The following OR11H1 variants were observed in gnomAD, a reference collection of about 807,000 sequenced individuals.
OR11H1 encodes the protein olfactory receptor family 11 subfamily H member 1, also known as olfactory receptor 11H1.
Under a neutral mutation model 17.7 loss-of-function variants are expected in OR11H1, and 2 were observed. That is an observed-to-expected ratio of 0.11 (90% confidence interval 0.05 to 0.36). The LOEUF is 0.36. Ranked by LOEUF, OR11H1 falls within the 10% of genes least tolerant of loss-of-function variation. The pLI is 1.00. For missense variants in OR11H1, 53 were observed against 356.2 expected (o/e 0.15, Z 6.85); for synonymous variants, 13 against 129.4 (o/e 0.10, Z 6.11).
At chr22:15,528,404 C>CT in the OR11H1 span, 1 of 1,609,146 alleles carries the variant, frequency 6.2e-7, no homozygotes, top group African/African-American at 1.3e-5. Context: ...GAAATTTCTC[C>CT]TTTTTAGAGA....
In OR11H1 at chr22:15,528,286, T is replaced by A. The variant is rs1476304033; in HGVS notation, c.95T>A (p.Phe32Tyr). The A allele has an allele frequency of 1.2e-6, 2 of 1,611,986 alleles. No homozygotes were observed. The highest frequency in any genetic ancestry group is 2.7e-5 in the African/African-American group (2 of 74,880). ...SCEWTIQIFL[F>Y]SLFTTTYALT... Reference sequence around the variant, plus strand: ...GAGTGGACAATTCAGATCTTCCTCTTCTCACTCTTTACTACAACATATGCA... The same window carrying A: ...GAGTGGACAATTCAGATCTTCCTCTACTCACTCTTTACTACAACATATGCA... The change falls in exon 1 of 1, where the codon TTC becomes TAC. Residue 32 changes from phenylalanine (F) to tyrosine (Y), a missense_variant. Transcript: ENST00000643195.
Position 15,528,748 on chromosome 22 carries a change from G to T in OR11H1, c.557G>T (p.Gly186Val). Residue 186 changes from glycine to valine, a missense_variant, in exon 1 of 1, where the codon GGG (glycine) becomes GTG (valine). By Grantham distance (109) the Gly-to-Val change is moderately radical (BLOSUM62 -3). Transcript: ENST00000643195. The stretch of plus-strand genomic sequence containing the variant: ...ATTGACCATGTTGTGTGTGACCCAG[G>T]GCCACGATTTGCATTGGATTGTGTT... ...NIIDHVVCDP[G>V]PRFALDCVSA... 6.2e-7 allele frequency: 1 copy of T among 1,607,472 alleles called. No individual in the cohort carries two copies. Among genetic ancestry groups the T allele is most frequent in the Non-Finnish European group, 8.5e-7 (1 of 1,178,004 alleles).
rs1329064460 is a variant in OR11H1, at chr22:15,528,638, C to A, written c.447C>A (p.Val149=). 6.2e-7 allele frequency: 1 copy of A among 1,610,994 alleles called. No individual in the cohort carries two copies. Among genetic ancestry groups the A allele is most frequent in the Non-Finnish European group, 8.5e-7 (1 of 1,179,558 alleles). Residue 149 remains valine (V), a synonymous_variant, in exon 1 of 1, where the codon GTC becomes GTA. Transcript: ENST00000643195. ...CTGGGCATCTCTATGCCAAACTGGT[C>A]ATACTGTGCTGGGTTTGTGGATTTC... The part of the protein sequence containing the change: ...IMTGHLYAKL[V]ILCWVCGFLW...
At chr22:15,528,216 A>AGCTTT in the OR11H1 span, 2 of 1,610,878 alleles carry the variant, frequency 1.2e-6, no homozygotes, top group Non-Finnish European at 1.7e-6. Context: ...GCCAAATTCC[A>AGCTTT]GCTTTGCTTT....
Sources: allele counts gnomAD v4.1 joint callset, GRCh38; gene constraint gnomAD v4.1.1; transcripts MANE v1.5; gene names NCBI Gene and HGNC (gene_info 2026-07-23, HGNC 2026-07-21).